The following CDKL4 variants were observed in gnomAD, a reference collection of about 807,000 sequenced individuals.
CDKL4 encodes the protein cyclin dependent kinase like 4.
Under a neutral mutation model 42.0 loss-of-function variants are expected in CDKL4, and 44 were observed. The ratio of observed to expected loss-of-function variants is 1.05; its 90% confidence interval spans 0.82 to 1.35. The LOEUF (loss-of-function observed/expected upper bound fraction) is 1.35, where lower values mean the gene tolerates loss of function less well. Ranked by LOEUF, CDKL4 falls within the 40% of genes most tolerant of loss-of-function variation. The pLI, the probability that CDKL4 is intolerant of heterozygous loss-of-function variation, is 0.00. For missense variants in CDKL4, 393 were observed against 369.9 expected (o/e 1.06, Z -0.51); for synonymous variants, 120 against 121.6 (o/e 0.99, Z 0.09).
rs543648485 is a variant in CDKL4 at position 39,234,842 on chromosome 2, C to G, written c.-56-5254G>C. On this transcript the variant is annotated intron_variant, in intron 1 of 9. Transcript: ENST00000451199. The stretch of plus-strand genomic sequence containing the variant: ...TGAAAATCAAGGATTTTATATTCAG[C>G]CAAGGTGTGTCCTTCAAGTGCAAAG... 3.3e-5 allele frequency among the ~76,000 whole-genome samples: 5 copies of G among 152,040 alleles called. No individual in the cohort carries two copies. In the South Asian group the frequency reaches 6.2e-4, roughly 19 times the overall value.
At chr2:39,218,713 C>T (rs939105045) in intron 3 of CDKL4, among the ~76,000 whole-genome samples, 1 of 152,166 alleles carries the variant, frequency 6.6e-6, no homozygotes, top group Non-Finnish European at 1.5e-5. Flanking sequence ...CGTCCATCTT[C>T]TCCTGCCCTT....
At chr2:39,198,721 T>C (rs1160835346) in intron 5 of CDKL4, among the ~76,000 whole-genome samples, 1 of 152,182 alleles carries the variant, frequency 6.6e-6, no homozygotes, top group Non-Finnish European at 1.5e-5. Flanking sequence ...TTAAATGACC[T>C]GCTCCTGAAT....
chr2:39,193,270 TAA>T (rs1191502183), intron 5 of CDKL4, among the ~76,000 whole-genome samples: 16 of 135,954 alleles, frequency 1.2e-4, no homozygotes, highest in Non-Finnish European at 8.0e-5. Flanking sequence ...CTCTCTCTGT[TAA>T]AAAAAAAAAA....
At chr2:39,183,952 T>G (rs1047105250) in intron 8 of CDKL4, among the ~76,000 whole-genome samples, 5 of 152,160 alleles carry the variant, frequency 3.3e-5, no homozygotes, top group Non-Finnish European at 5.9e-5. Flanking sequence ...ACCGTCTAGA[T>G]CAGATGAGTC....
Position 39,185,355 on chromosome 2 carries a change from TATATAC to T in CDKL4, c.736-714_736-709del, listed in dbSNP as rs1572947020. ...ATATGTATATATATACACATATGTA[TATATAC>T]ATATATATATACATATGTATATATA... On this transcript the variant is annotated intron_variant, in intron 7 of 9. Coordinates refer to ENST00000451199, the Ensembl canonical transcript of CDKL4. Among the ~76,000 whole-genome samples, 5 of 99,860 alleles carry T rather than the reference TATATAC, an allele frequency of 5.0e-5. 1 individual carries two copies. Among genetic ancestry groups the T allele is most frequent in the South Asian group, 2.8e-4 (1 of 3,578 alleles). 65.5% of individuals were successfully genotyped at this position (99,860 alleles called of 152,430 possible).
intron 3 of CDKL4, among the ~76,000 whole-genome samples, chr2:39,219,128 T>C (rs1231225205): frequency 1.3e-5 from 2 of 152,224 alleles, no homozygotes; most frequent in African/African-American, 2.4e-5. Flanking sequence ...TGGTACCTAA[T>C]AGGAGCTCAA....
At chr2:39,245,650 C>A (rs533808422), upstream of CDKL4, among the ~76,000 whole-genome samples, 1 of 152,314 alleles carries the variant, frequency 6.6e-6, no homozygotes, top group African/African-American at 2.4e-5. Context: ...ACACCATGTC[C>A]CCTTCTTTCC....
chr2:39,190,268 A>G, intron 6 of CDKL4, 37 bp downstream of exon 6: 1 of 1,460,070 alleles, frequency 6.8e-7, no homozygotes. Flanking sequence ...TGCTATAACA[A>G]TTCAGCAACT....
chr2:39,190,215 T>C (rs1676094952), intron 6 of CDKL4, 90 bp downstream of exon 6: 1 of 929,170 alleles, frequency 1.1e-6, no homozygotes. Flanking sequence ...AACTCTTGTT[T>C]TTTATTTTTA....
chr2:39,235,491 A>G (rs1679321180), intron 1 of CDKL4, among the ~76,000 whole-genome samples: 1 of 152,232 alleles, frequency 6.6e-6, no homozygotes, highest in Non-Finnish European at 1.5e-5. Context: ...AAAAAATGCC[A>G]TTAATCTACT....
At chr2:39,243,765 T>A (rs1217621471) in intron 1 of CDKL4, among the ~76,000 whole-genome samples, 106 bp downstream of exon 1, 1 of 152,244 alleles carries the variant, frequency 6.6e-6, no homozygotes, top group East Asian at 1.9e-4. Context: ...CGGGGAACTT[T>A]TCTTGGTTCC....
chr2:39,192,320 T>C (rs1676235748), intron 5 of CDKL4, among the ~76,000 whole-genome samples: 1 of 152,178 alleles, frequency 6.6e-6, no homozygotes, highest in East Asian at 1.9e-4. Context: ...GTTAATCTTT[T>C]GGTGTATTTT....
At chr2:39,190,865 T>C (rs542121828) in intron 5 of CDKL4, among the ~76,000 whole-genome samples, 63 of 152,176 alleles carry the variant, frequency 4.1e-4, no homozygotes, top group Non-Finnish European at 8.4e-4. Context: ...CCTCCAAAGA[T>C]AGGTTGAAGT....
At chr2:39,178,640 G>A (rs774846201) in intron 9 of CDKL4, 3 of 1,588,176 alleles carry the variant, frequency 1.9e-6, no homozygotes, top group Admixed American at 1.8e-5. Context: ...TCACCATACT[G>A]TTCTGCAATA....
At chr2:39,213,612 T>G in intron 3 of CDKL4, 140 bp from the exon 4 acceptor site, 1 of 454,886 alleles carries the variant, frequency 2.2e-6, no homozygotes, top group Non-Finnish European at 4.0e-6. Context: ...TATATTTTAG[T>G]GAAAATTGGG....
At chr2:39,221,679 G>A (rs1272553838) in intron 3 of CDKL4, among the ~76,000 whole-genome samples, 1 of 152,192 alleles carries the variant, frequency 6.6e-6, no homozygotes, top group African/African-American at 2.4e-5. Context: ...TAAAACTTAA[G>A]AGTGCAAAGT....
chr2:39,240,390 A>G lies in CDKL4; in HGVS notation c.-57+3481T>C, dbSNP rs372571324. Among the ~76,000 whole-genome samples, 16 of 151,848 alleles carry G rather than the reference A, an allele frequency of 1.1e-4. No individual in the cohort carries two copies. In the East Asian group the frequency reaches 1.7e-3, roughly 17 times the overall value. On this transcript the variant is annotated intron_variant, in intron 1 of 9. Coordinates refer to ENST00000451199, the Ensembl canonical transcript of CDKL4. ...AGCCGAGATTGTGCCATTGCACTCC[A>G]GACTAGGGGACAAGAGCGAGACTTC...
chr2:39,181,062 T>C (rs1470906862), intron 8 of CDKL4, among the ~76,000 whole-genome samples: 1 of 152,212 alleles, frequency 6.6e-6, no homozygotes, highest in East Asian at 1.9e-4. Context: ...GCTTCCACTG[T>C]TCCATTAAAG....
chr2:39,243,908 C>T (rs1486788308), exon 1 of CDKL4, among the ~76,000 whole-genome samples: 1 of 152,268 alleles, frequency 6.6e-6, no homozygotes, highest in Non-Finnish European at 1.5e-5. Flanking sequence ...CTTCGAGCAG[C>T]GCCGAACAGC....
Sources: gnomAD v4.1 joint callset for allele counts (sites outside exome capture counted in the v4.1 genomes callset) on GRCh38, gnomAD v4.1.1 for gene constraint, MANE v1.5 for transcripts, NCBI Gene and HGNC (gene_info 2026-07-23, HGNC 2026-07-21) for gene names.